NYAP2: variants seen among roughly 807,000 people sequenced by gnomAD.
NYAP2 encodes neuronal tyrosine-phosphorylated phosphoinositide-3-kinase adaptor 2, also known as neuronal tyrosine-phosphorylated phosphoinositide-3-kinase adapter 2.
A neutral mutation model predicts 50.4 loss-of-function variants in NYAP2; 23 were observed. The observed-to-expected ratio is 0.46, with a 90% CI of 0.33 to 0.65. The LOEUF is 0.65. Ranked by LOEUF, NYAP2 falls within the 30% of genes least tolerant of loss-of-function variation. The pLI is 0.02. For synonymous variants in NYAP2, 394 were observed against 365.2 expected (o/e 1.08, Z -0.90); for missense variants, 885 against 861.0 (o/e 1.03, Z -0.35).
At chr2:225,507,587 C>G (rs1372961487) in intron 3 of NYAP2, among the ~76,000 whole-genome samples, 1 of 152,102 alleles carries the variant, frequency 6.6e-6, no homozygotes, top group Admixed American at 6.5e-5. Context: ...ATCTTGATAC[C>G]TTGAGTTAAA....
the NYAP2 span, among the ~76,000 whole-genome samples, chr2:225,666,097 G>A: frequency 1.3e-5 from 2 of 152,002 alleles, no homozygotes; most frequent in African/African-American, 4.8e-5. Flanking sequence ...AGGGTGGTGT[G>A]TGTAAAATTA....
At chr2:225,544,592 A>AT (rs1244209946) in intron 4 of NYAP2, among the ~76,000 whole-genome samples, 1 of 152,008 alleles carries the variant, frequency 6.6e-6, no homozygotes, top group Non-Finnish European at 1.5e-5. Context: ...TTCGTCTCCT[A>AT]TTTTTTAACA....
At chr2:225,622,434 A>G (rs1693121044) in intron 5 of NYAP2, among the ~76,000 whole-genome samples, 1 of 152,088 alleles carries the variant, frequency 6.6e-6, no homozygotes, top group East Asian at 1.9e-4. Flanking sequence ...AATTATTTCT[A>G]TTTGGTAGAA....
At chr2:225,643,339 C>G (rs1693564703) in intron 6 of NYAP2, among the ~76,000 whole-genome samples, 2 of 152,132 alleles carry the variant, frequency 1.3e-5, no homozygotes, top group South Asian at 4.1e-4. Context: ...TGTGCTTAAA[C>G]ATGGCATTTT....
chr2:225,610,820 C>G (rs1199539986), intron 5 of NYAP2, among the ~76,000 whole-genome samples: 1 of 152,140 alleles, frequency 6.6e-6, no homozygotes, highest in African/African-American at 2.4e-5. Context: ...CATGAGCCTT[C>G]TAAACATGCA....
chr2:225,686,982 A>G, the NYAP2 span, among the ~76,000 whole-genome samples: 2 of 152,166 alleles, frequency 1.3e-5, no homozygotes, highest in Admixed American at 1.3e-4. Context: ...TTCCCATGTC[A>G]TGGGCTATAT....
intron 6 of NYAP2, among the ~76,000 whole-genome samples, chr2:225,636,483 CTTT>C (rs5839116): frequency 2.1e-5 from 3 of 146,160 alleles, no homozygotes; most frequent in African/African-American, 7.5e-5. Context: ...AATGTGCTTT[CTTT>C]TTTTTTTTTT....
At chr2:225,621,536 A>G (rs1693103823) in intron 5 of NYAP2, among the ~76,000 whole-genome samples, 1 of 152,156 alleles carries the variant, frequency 6.6e-6, no homozygotes, top group Non-Finnish European at 1.5e-5. Context: ...AGACAAAAAG[A>G]GCCCTGCAGA....
At chr2:225,453,641 GT>G (rs752197969) in intron 3 of NYAP2, among the ~76,000 whole-genome samples, 120 of 150,962 alleles carry the variant, frequency 7.9e-4, no homozygotes, top group Non-Finnish European at 1.6e-3. Context: ...AAACTATCAA[GT>G]TTTTTTGTTT....
At chr2:225,628,686 A>G (rs183411762) in intron 6 of NYAP2, among the ~76,000 whole-genome samples, 1 of 152,280 alleles carries the variant, frequency 6.6e-6, no homozygotes. Flanking sequence ...TCACTATTTA[A>G]TTGAGTCTTA....
At chr2:225,446,398 G>A (rs972597834) in intron 3 of NYAP2, among the ~76,000 whole-genome samples, 3 of 151,422 alleles carry the variant, frequency 2.0e-5, no homozygotes, top group Non-Finnish European at 2.9e-5. Flanking sequence ...ACTCTCCAGG[G>A]TGAGTAACTG....
intron 3 of NYAP2, among the ~76,000 whole-genome samples, chr2:225,490,327 ACT>A (rs1227459762): frequency 2.0e-5 from 3 of 151,986 alleles, no homozygotes; most frequent in African/African-American, 7.3e-5. Flanking sequence ...CAACATAAAG[ACT>A]CTTGTTTGAC....
At chr2:225,465,570 G>C (rs986707695) in intron 3 of NYAP2, among the ~76,000 whole-genome samples, 1 of 152,056 alleles carries the variant, frequency 6.6e-6, no homozygotes, top group Admixed American at 6.5e-5. Context: ...CAAAAAAGTA[G>C]GTGGGCATGG....
intron 3 of NYAP2, among the ~76,000 whole-genome samples, chr2:225,445,617 C>T (rs1689539754): frequency 6.6e-6 from 1 of 151,362 alleles, no homozygotes; most frequent in South Asian, 2.1e-4. Context: ...TTTATGTGAC[C>T]TGTGATATCT....
At chr2:225,597,391 CAAT>C (rs2106239276) in intron 5 of NYAP2, among the ~76,000 whole-genome samples, 1 of 150,342 alleles carries the variant, frequency 6.7e-6, no homozygotes, top group South Asian at 2.1e-4. Context: ...TGAGAACATA[CAAT>C]GTTTGTTTTT....
At chr2:225,633,326 C>CTATA (rs1693353883) in intron 6 of NYAP2, among the ~76,000 whole-genome samples, 1 of 152,138 alleles carries the variant, frequency 6.6e-6, no homozygotes, top group African/African-American at 2.4e-5. Flanking sequence ...GAAGGATCAG[C>CTATA]TATATTATAA....
At chr2:225,564,268 A>G (rs1691924006) in intron 4 of NYAP2, among the ~76,000 whole-genome samples, 1 of 150,622 alleles carries the variant, frequency 6.6e-6, no homozygotes, top group Non-Finnish European at 1.5e-5. Context: ...ATTAAATAGA[A>G]CCTCCAAATA....
intron 4 of NYAP2, among the ~76,000 whole-genome samples, chr2:225,571,529 GA>G (rs1692072200): frequency 6.6e-6 from 1 of 152,228 alleles, no homozygotes; most frequent in Non-Finnish European, 1.5e-5. Context: ...CTAAGTTTAG[GA>G]CTTGCATCCT....
rs1299298913 is a variant in NYAP2 at position 225,629,615 on chromosome 2, T to C, written c.1828+2489T>C. ...TGCAGGCTGAGAAGTTCAAGAAGCATGGAGCTGGCTTCTGCTCACCATGAG... is the reference window on the plus strand; with the variant it reads ...TGCAGGCTGAGAAGTTCAAGAAGCACGGAGCTGGCTTCTGCTCACCATGAG... On this transcript the variant is annotated intron_variant, in intron 6 of 6. Transcript: ENST00000636099. Among the ~76,000 whole-genome samples, 3 of 152,188 alleles carry C rather than the reference T, an allele frequency of 2.0e-5. No homozygotes were observed. In the East Asian group the frequency reaches 5.8e-4, roughly 29 times the overall value.
Sources: allele counts gnomAD v4.1 joint callset (sites outside exome capture counted in the v4.1 genomes callset), GRCh38; gene constraint gnomAD v4.1.1; transcripts MANE v1.5; gene names NCBI Gene and HGNC (gene_info 2026-07-23, HGNC 2026-07-21).